PLXNA2: variants seen among roughly 807,000 people sequenced by gnomAD.
PLXNA2 encodes the protein plexin A2, also known as plexin-A2.
Under a neutral mutation model 193.5 loss-of-function variants are expected in PLXNA2, and 91 were observed. The observed-to-expected ratio is 0.47, with a 90% CI of 0.40 to 0.56. PLXNA2 has a LOEUF of 0.56. Among genes scored for constraint, PLXNA2 ranks in the 20% least tolerant of loss-of-function variants. The pLI is 0.00. For missense variants in PLXNA2, 1,995 were observed against 2,503.2 expected (o/e 0.80, Z 4.33); for synonymous variants, 997 against 1,027.3 (o/e 0.97, Z 0.56).
rs899384750 is a variant in PLXNA2 at position 208,024,949 on chromosome 1, T to C, written c.*2294A>G. ...CCTTTCCTTTTATCTCCATAAATTA[T>C]GGGCTCTGCGCTGATAAGCTTTGAG... On this transcript the variant is annotated 3_prime_UTR_variant, in exon 32 of 32. Transcript: ENST00000367033. The C allele has an allele frequency of 6.6e-6, 1 of 152,568 alleles. No individual in the cohort carries two copies. Among genetic ancestry groups the C allele is most frequent in the Admixed American group, 6.5e-5 (1 of 15,276 alleles). 9.5% of individuals were successfully genotyped at this position (152,568 alleles called of 1,614,324 possible).
At chr1:208,131,211 C>T (rs1304429099) in intron 4 of PLXNA2, among the ~76,000 whole-genome samples, 1 of 152,180 alleles carries the variant, frequency 6.6e-6, no homozygotes, top group Admixed American at 6.5e-5. Context: ...TCACTGACTT[C>T]CCCTTTGCCT....
At chr1:208,152,712 C>CACAT in intron 3 of PLXNA2, among the ~76,000 whole-genome samples, 1 of 151,982 alleles carries the variant, frequency 6.6e-6, no homozygotes, top group Admixed American at 6.5e-5. Flanking sequence ...CACACACACA[C>CACAT]ACACACCACC....
intron 3 of PLXNA2, among the ~76,000 whole-genome samples, chr1:208,191,936 C>T (rs1008939142): frequency 6.6e-6 from 1 of 152,196 alleles, no homozygotes; most frequent in East Asian, 1.9e-4. Context: ...GAAGACGTGT[C>T]AGGGTCAGGG....
chr1:208,027,403 G>A (rs959063344), intron 31 of PLXNA2, 65 bp from the exon 32 acceptor site: 1 of 1,362,768 alleles, frequency 7.3e-7, no homozygotes, highest in Non-Finnish European at 1.0e-6. Context: ...ATTTTCTGGA[G>A]TCGTTCCCTC....
intron 1 of PLXNA2, among the ~76,000 whole-genome samples, chr1:208,235,915 T>C (rs1453937769): frequency 1.3e-5 from 2 of 152,178 alleles, no homozygotes; most frequent in East Asian, 3.9e-4. Context: ...CAGATAAACC[T>C]CAGGGGGTGG....
chr1:208,055,458 A>G (rs527537760), intron 13 of PLXNA2, among the ~76,000 whole-genome samples: 22 of 152,126 alleles, frequency 1.4e-4, no homozygotes, highest in African/African-American at 5.3e-4. Context: ...TCTTGCCTGG[A>G]ATGGTCGGGC....
In PLXNA2 at chr1:208,042,362, T is replaced by C; in HGVS notation, c.4022A>G (p.Gln1341Arg). ...CTCCACGTGCTGCTGCCCGTTTCCTTGTACCTGGGGTGGGGTGTGGTGGAG... is the reference window on the plus strand; with the variant it reads ...CTCCACGTGCTGCTGCCCGTTTCCTCGTACCTGGGGTGGGGTGTGGTGGAG... Reference protein sequence around the residue: ...DHPVLRELEVQGNGQQHVEKA... With the variant: ...DHPVLRELEVRGNGQQHVEKA... Residue 1341 changes from glutamine (Q) to arginine (R), a missense_variant, in exon 22 of 32, where the codon CAA (glutamine) becomes CGA (arginine). This residue lies in a region of PLXNA2 where 1,291 missense variants were observed against 1,673.6 expected (regional missense o/e 0.77). Coordinates refer to ENST00000367033, the MANE Select transcript of PLXNA2 (RefSeq NM_025179.4). 20 of 1,613,130 alleles carry C rather than the reference T, an allele frequency of 1.2e-5. No individual in the cohort carries two copies. Among genetic ancestry groups the C allele is most frequent in the Non-Finnish European group, 1.7e-5 (20 of 1,179,242 alleles).
At chr1:208,110,446 C>T (rs1430155907) in intron 4 of PLXNA2, among the ~76,000 whole-genome samples, 1 of 152,248 alleles carries the variant, frequency 6.6e-6, no homozygotes, top group African/African-American at 2.4e-5. Flanking sequence ...TGACAGCTGG[C>T]AGGCTCCTGG....
At chr1:208,154,794 G>A (rs940780390) in intron 3 of PLXNA2, among the ~76,000 whole-genome samples, 10 of 152,220 alleles carry the variant, frequency 6.6e-5, no homozygotes. Flanking sequence ...AGGCCACGCA[G>A]GGGCACTCAG....
At chr1:208,241,923 T>C (rs971354950) in intron 1 of PLXNA2, among the ~76,000 whole-genome samples, 104 of 152,278 alleles carry the variant, frequency 6.8e-4, no homozygotes, top group African/African-American at 2.3e-3. Context: ...GTTTCCTTGG[T>C]TCCCTACCCT....
At chr1:208,201,973 A>ATTTTTTTTTTTTTTT (rs59313982) in intron 3 of PLXNA2, among the ~76,000 whole-genome samples, 3 of 132,626 alleles carry the variant, frequency 2.3e-5, no homozygotes, top group Non-Finnish European at 4.9e-5. Context: ...CAGGGCAAGA[A>ATTTTTTTTTTTTTTT]TTTTTTTTTT....
At chr1:208,203,408 C>T (rs899600618) in intron 3 of PLXNA2, among the ~76,000 whole-genome samples, 15 of 152,274 alleles carry the variant, frequency 9.9e-5, no homozygotes, top group East Asian at 3.9e-4. Context: ...ATCAGATGGG[C>T]GGTCTCAGGT....
chr1:208,059,309 C>A (rs1231389935), intron 13 of PLXNA2, among the ~76,000 whole-genome samples: 1 of 152,212 alleles, frequency 6.6e-6, no homozygotes, highest in East Asian at 1.9e-4. Context: ...TCCTATAGGC[C>A]CAGCCAGCCT....
intron 4 of PLXNA2, among the ~76,000 whole-genome samples, chr1:208,119,052 C>T (rs1252717478): frequency 1.3e-5 from 2 of 152,202 alleles, no homozygotes; most frequent in African/African-American, 2.4e-5. Context: ...AATCTGGCTT[C>T]GTCTGGATAC....
intron 8 of PLXNA2, among the ~76,000 whole-genome samples, chr1:208,095,802 G>A (rs1262557604): frequency 6.6e-6 from 1 of 152,140 alleles, no homozygotes; most frequent in Non-Finnish European, 1.5e-5. Flanking sequence ...TAGGTGTGTT[G>A]GGGTGGCATC....
At chr1:208,086,979 C>CTCTCTCTCTCTCTCTCTG (rs1491364667) in intron 9 of PLXNA2, among the ~76,000 whole-genome samples, 2 of 65,492 alleles carry the variant, frequency 3.1e-5, no homozygotes, top group East Asian at 4.8e-4. Flanking sequence ...CTCTCTCTCT[C>CTCTCTCTCTCTCTCTCTG]TGTGTGTGTG....
At chr1:208,197,630 T>G (rs1379121752) in intron 3 of PLXNA2, among the ~76,000 whole-genome samples, 1 of 152,214 alleles carries the variant, frequency 6.6e-6, no homozygotes, top group Non-Finnish European at 1.5e-5. Flanking sequence ...CAGTAGGAGT[T>G]TGGCTCAGCC....
chr1:208,224,896 C>T (rs950089570), intron 1 of PLXNA2, among the ~76,000 whole-genome samples: 2 of 152,058 alleles, frequency 1.3e-5, no homozygotes, highest in Admixed American at 6.6e-5. Context: ...TTCATATATG[C>T]GATTCGTTTC....
intron 1 of PLXNA2, among the ~76,000 whole-genome samples, chr1:208,218,455 C>T (rs919540065): frequency 1.3e-5 from 2 of 152,180 alleles, no homozygotes; most frequent in Non-Finnish European, 2.9e-5. Context: ...TCCAGGTCAA[C>T]TGCTCCCAGA....
Sources: allele counts gnomAD v4.1 joint callset (sites outside exome capture counted in the v4.1 genomes callset), GRCh38; gene constraint gnomAD v4.1.1; regional missense constraint gnomAD v4.1.1; transcripts MANE v1.5; gene names NCBI Gene and HGNC (gene_info 2026-07-23, HGNC 2026-07-21).